DPY19L1: variants seen among roughly 807,000 people sequenced by gnomAD.
The protein encoded by DPY19L1 is dpy-19 like C-mannosyltransferase 1.
A neutral mutation model predicts 96.9 loss-of-function variants in DPY19L1; 35 were observed. The ratio of observed to expected loss-of-function variants is 0.36; its 90% confidence interval spans 0.28 to 0.48. The LOEUF (loss-of-function observed/expected upper bound fraction) is 0.48. Among genes scored for constraint, DPY19L1 ranks in the 20% least tolerant of loss-of-function variants. The pLI is 0.99. For missense variants in DPY19L1, 521 were observed against 777.9 expected, an observed-to-expected ratio of 0.67 and a Z score of 3.93; for synonymous variants, 205 against 252.6, an observed-to-expected ratio of 0.81 and a Z score of 1.79.
chr7:34,966,002 AC>A (rs2128666835), intron 10 of DPY19L1, among the ~76,000 whole-genome samples: 1 of 151,208 alleles, frequency 6.6e-6, no homozygotes, highest in East Asian at 1.9e-4. Context: ...GATCTGCCTT[AC>A]CCTTACCTTT....
intron 7 of DPY19L1, among the ~76,000 whole-genome samples, chr7:34,986,548 A>G (rs1481218012): frequency 2.6e-5 from 4 of 152,064 alleles, no homozygotes; most frequent in African/African-American, 9.7e-5. Context: ...TGGAATGTTC[A>G]CTACATACCT....
In DPY19L1 at chr7:34,953,728, A is replaced by G. The variant is rs5026730; in HGVS notation, c.1320+970T>C. ...GTACTGAATGAATGAATGAATGAAT[A>G]AATACATTTTCAACTATAGTTTTAT... On this transcript the variant is annotated intron_variant, in intron 13 of 21. Coordinates refer to ENST00000638088, the MANE Select transcript of DPY19L1 (RefSeq NM_001366673.1). 4.1e-3 allele frequency among the ~76,000 whole-genome samples: 75 copies of G among 18,466 alleles called. 1 individual carries two copies. Among genetic ancestry groups the G allele is most frequent in the African/African-American group, 0.036 (59 of 1,622 alleles). 12.1% of individuals were successfully genotyped at this position (18,466 alleles called of 152,430 possible).
chr7:35,030,489 T>C (rs1298682128), intron 1 of DPY19L1, among the ~76,000 whole-genome samples: 1 of 152,230 alleles, frequency 6.6e-6, no homozygotes, highest in Non-Finnish European at 1.5e-5. Flanking sequence ...CTTCTGTAAG[T>C]GGTCTTGGTG....
chr7:34,989,225 A>G (rs1785112524), intron 7 of DPY19L1, among the ~76,000 whole-genome samples: 1 of 152,224 alleles, frequency 6.6e-6, no homozygotes, highest in Admixed American at 6.5e-5. Context: ...TTTCTGCAAC[A>G]AAAAGTTATC....
chr7:34,941,354 C>T (rs1416023372), intron 18 of DPY19L1, among the ~76,000 whole-genome samples: 2 of 151,570 alleles, frequency 1.3e-5, no homozygotes, highest in African/African-American at 4.9e-5. Flanking sequence ...AGAATGTGCA[C>T]ACAAATTGCA....
intron 17 of DPY19L1, among the ~76,000 whole-genome samples, 174 bp from the exon 18 acceptor site, chr7:34,942,058 G>C (rs1784031972): frequency 6.6e-6 from 1 of 152,210 alleles, no homozygotes; most frequent in Admixed American, 6.5e-5. Context: ...CCATTTTAGT[G>C]GAAGGCTAAA....
At chr7:34,968,509 G>A (rs189664239) in intron 9 of DPY19L1, among the ~76,000 whole-genome samples, 1 of 152,172 alleles carries the variant, frequency 6.6e-6, no homozygotes, top group East Asian at 1.9e-4. Flanking sequence ...AGTGGCTCAC[G>A]CCTGTAATCG....
intron 10 of DPY19L1, among the ~76,000 whole-genome samples, chr7:34,964,422 GA>G (rs1475236716): frequency 2.0e-5 from 3 of 152,006 alleles, no homozygotes; most frequent in Non-Finnish European, 4.4e-5. Context: ...ATAGTTTGGG[GA>G]AAAAATAAGC....
In DPY19L1 at chr7:35,037,260, C is replaced by T; in HGVS notation, c.135G>A (p.Leu45=). 1 of 301,848 alleles carries T rather than the reference C, an allele frequency of 3.3e-6. No homozygotes were observed. 18.7% of individuals were successfully genotyped at this position (301,848 alleles called of 1,614,324 possible). A position where few individuals can be genotyped will look rare whatever the true frequency, so the allele number is the denominator to read the frequency against. Residue 45 remains leucine (L), a synonymous_variant, in exon 1 of 22, where the codon CTG becomes CTA. Transcript: ENST00000638088. Reference sequence around the variant, plus strand: ...CCGCGGCGCCCTTGCGCCCCGGGGACAGGGGCGCGCGCTCGGGCCCCGGCT... The same window carrying T: ...CCGCGGCGCCCTTGCGCCCCGGGGATAGGGGCGCGCGCTCGGGCCCCGGCT... ...AGEPGPERAP[L]SPGRKGAAGR...
At chr7:34,950,952 GA>G (rs1784255815) in intron 13 of DPY19L1, among the ~76,000 whole-genome samples, 1 of 152,030 alleles carries the variant, frequency 6.6e-6, no homozygotes, top group Non-Finnish European at 1.5e-5. Flanking sequence ...AAAGTATGCT[GA>G]AAGGTTGAAA....
At chr7:35,017,355 C>T (rs1223517412) in intron 3 of DPY19L1, among the ~76,000 whole-genome samples, 2 of 151,446 alleles carry the variant, frequency 1.3e-5, no homozygotes, top group African/African-American at 2.4e-5. Context: ...ATTAGCCGGG[C>T]GCGGTGGCGG....
chr7:35,029,377 T>C (rs1179755496), intron 1 of DPY19L1, among the ~76,000 whole-genome samples: 1 of 152,108 alleles, frequency 6.6e-6, no homozygotes, highest in African/African-American at 2.4e-5. Flanking sequence ...GTAAACCTAA[T>C]GGAAAAAGTG....
At chr7:34,947,754 T>C (rs1445542855) in intron 14 of DPY19L1, 53 bp from the exon 15 acceptor site, 17 of 1,440,152 alleles carry the variant, frequency 1.2e-5, no homozygotes, top group Non-Finnish European at 1.6e-5. Flanking sequence ...CCAAACAAAA[T>C]TTCATTTCAA....
intron 1 of DPY19L1, among the ~76,000 whole-genome samples, chr7:35,031,973 T>C (rs1356509384): frequency 6.6e-6 from 1 of 152,196 alleles, no homozygotes; most frequent in African/African-American, 2.4e-5. Context: ...GGTCTATGTG[T>C]CTGTTTGAAA....
chr7:34,976,152 TC>T (rs1784825844), intron 7 of DPY19L1, among the ~76,000 whole-genome samples: 1 of 152,194 alleles, frequency 6.6e-6, no homozygotes, highest in Non-Finnish European at 1.5e-5. Context: ...GAAATTTAAA[TC>T]TTCTGGAGTG....
intron 10 of DPY19L1, 55 bp from the exon 11 acceptor site, chr7:34,958,125 G>GT (rs1347397484): frequency 3.7e-5 from 47 of 1,267,310 alleles, no homozygotes; most frequent in Admixed American, 1.8e-4. Context: ...AAAAACCTTT[G>GT]TTTTTTATTG....
intron 10 of DPY19L1, among the ~76,000 whole-genome samples, chr7:34,959,929 A>AAATATATATATT (rs1562807014): frequency 4.2e-4 from 21 of 50,368 alleles, no homozygotes; most frequent in South Asian, 5.0e-4. Flanking sequence ...ATATATTTAT[A>AAATATATATATT]TATATATATA....
intron 21 of DPY19L1, among the ~76,000 whole-genome samples, chr7:34,933,444 T>A (rs919553250): frequency 6.6e-6 from 1 of 152,262 alleles, no homozygotes; most frequent in Non-Finnish European, 1.5e-5. Context: ...GATATCATTA[T>A]ATACATAGAT....
At chr7:34,959,925 TTATATATA>T (rs66774079) in intron 10 of DPY19L1, among the ~76,000 whole-genome samples, 37,181 of 127,872 alleles carry the variant, frequency 0.29, 5,259 homozygotes, top group Non-Finnish European at 0.35. Context: ...ATATATATAT[TTATATATA>T]TATATATATA....
Sources: gnomAD v4.1 joint callset for allele counts (sites outside exome capture counted in the v4.1 genomes callset) on GRCh38, gnomAD v4.1.1 for gene constraint, MANE v1.5 for transcripts, NCBI Gene and HGNC (gene_info 2026-07-23, HGNC 2026-07-21) for gene names.